Variants in G3BP2 observed in about 807,000 individuals in gnomAD.
G3BP2 encodes the protein ras GTPase-activating protein-binding protein 2.
In G3BP2, 11 loss-of-function variants were observed where a neutral mutation model predicts 56.7. The ratio of observed to expected loss-of-function variants is 0.19; its 90% CI spans 0.12 to 0.32. The LOEUF is 0.32. G3BP2 is among the 10% of genes least tolerant of loss of function. G3BP2 has a pLI of 1.00. For missense variants in G3BP2, 340 were observed against 610.9 expected (o/e 0.56, Z 4.67); for synonymous variants, 165 against 191.6 (o/e 0.86, Z 1.15).
intron 1 of G3BP2, among the ~76,000 whole-genome samples, chr4:75,722,565 G>C (rs1253452943): frequency 6.6e-6 from 1 of 152,138 alleles, no homozygotes; most frequent in Non-Finnish European, 1.5e-5. Flanking sequence ...GGAGGGGTGA[G>C]GCTTAGGGGC....
At chr4:75,699,450 G>C (rs771245041) in intron 3 of G3BP2, among the ~76,000 whole-genome samples, 2 of 152,064 alleles carry the variant, frequency 1.3e-5, no homozygotes, top group African/African-American at 2.4e-5. Flanking sequence ...AGAGAGTTTG[G>C]GCAACTTATT....
At chr4:75,693,572 C>T (rs1289042835) in intron 3 of G3BP2, among the ~76,000 whole-genome samples, 4 of 152,014 alleles carry the variant, frequency 2.6e-5, no homozygotes, top group South Asian at 4.2e-4. Context: ...GGGTGGATCA[C>T]GAGGTTAGGA....
chr4:75,676,627 C>A (rs1733888350), upstream of G3BP2, among the ~76,000 whole-genome samples: 1 of 152,202 alleles, frequency 6.6e-6, no homozygotes, highest in Non-Finnish European at 1.5e-5. Flanking sequence ...GTTCCCTCTA[C>A]CTTCAACATT....
chr4:75,682,126 T>C (rs1404233264), intron 3 of G3BP2, among the ~76,000 whole-genome samples: 4 of 151,916 alleles, frequency 2.6e-5, no homozygotes, highest in African/African-American at 4.8e-5. Context: ...TTCAAACTTA[T>C]AAACTGTTGG....
At position 75,702,442 on chromosome 4, in the gene G3BP2, C is replaced by G. The variant is rs190558278; in HGVS notation, c.-25+18435G>C. Among the ~76,000 whole-genome samples, 4 of 152,296 alleles carry G rather than the reference C, an allele frequency of 2.6e-5. No individual in the cohort carries two copies. In the East Asian group the frequency reaches 5.8e-4, roughly 22 times the overall value. ...ACAGGCGTGAGCCACCACGCCTGGA[C>G]CCCCGAATTCTAACCACCTCTTTGA... is the stretch of plus-strand genomic sequence containing the variant. On this transcript the variant is annotated intron_variant, in intron 3 of 3. Coordinates refer to the G3BP2 transcript ENST00000499709.
At chr4:75,645,802 A>G in intron 11 of G3BP2, 100 bp from the exon 12 acceptor site, 1 of 1,057,622 alleles carries the variant, frequency 9.5e-7, no homozygotes, top group African/African-American at 1.6e-5. Flanking sequence ...GGAATAAAAC[A>G]CTTTTATCAG....
Position 75,707,387 on chromosome 4 carries a change from C to T in G3BP2, c.-25+13490G>A, listed in dbSNP as rs547383275. Among the ~76,000 whole-genome samples the T allele has an allele frequency of 7.3e-5, 11 of 151,624 alleles. No homozygotes were observed. In the South Asian group the frequency reaches 2.1e-3, roughly 29 times the overall value. Reference sequence around the variant, plus strand: ...TTGTAATCCCAGCACTTTGGGAGGCCGAGGTGGGCGGATCACGAGGTCAGG... The same window carrying T: ...TTGTAATCCCAGCACTTTGGGAGGCTGAGGTGGGCGGATCACGAGGTCAGG... On this transcript the variant is annotated intron_variant, in intron 3 of 3. Coordinates refer to the G3BP2 transcript ENST00000499709.
intron 3 of G3BP2, among the ~76,000 whole-genome samples, chr4:75,683,135 G>A (rs1490130833): frequency 6.6e-6 from 1 of 152,176 alleles, no homozygotes; most frequent in East Asian, 1.9e-4. Flanking sequence ...ATTTCTAGGT[G>A]TAACCACTTC....
intron 3 of G3BP2, among the ~76,000 whole-genome samples, chr4:75,701,764 G>A (rs767281637): frequency 2.6e-5 from 4 of 152,104 alleles, no homozygotes; most frequent in Non-Finnish European, 4.4e-5. Flanking sequence ...AAGGCTTTTG[G>A]ACTCAAACAC....
rs746984905 is a variant in G3BP2 at position 75,659,447 on chromosome 4, T to C, written c.96-523A>G. Among the ~76,000 whole-genome samples the C allele has an allele frequency of 9.5e-4, 145 of 152,320 alleles. 2 individuals are homozygous for C. The highest frequency in any genetic ancestry group is 3.4e-3 in the Middle Eastern group (1 of 294). ...AGAGACCAAGTCTAAAATCCAAAATTACGCCAGCATCTAATTTCTTTTTAA... is the reference window on the plus strand; with the variant it reads ...AGAGACCAAGTCTAAAATCCAAAATCACGCCAGCATCTAATTTCTTTTTAA... On this transcript the variant is annotated intron_variant, in intron 2 of 11. Transcript: ENST00000359707.
intron 3 of G3BP2, among the ~76,000 whole-genome samples, chr4:75,678,852 C>A (rs566340349): frequency 5.3e-5 from 8 of 152,258 alleles, no homozygotes; most frequent in Admixed American, 2.6e-4. Flanking sequence ...ACATGTAAAA[C>A]ATTTTAACAG....
At chr4:75,645,794 A>T in intron 11 of G3BP2, 92 bp from the exon 12 acceptor site, 2 of 1,183,812 alleles carry the variant, frequency 1.7e-6, no homozygotes, top group Non-Finnish European at 2.4e-6. Flanking sequence ...AAGCATAAGG[A>T]ATAAAACACT....
chr4:75,696,488 A>T (rs1232547884), intron 3 of G3BP2, among the ~76,000 whole-genome samples: 2 of 152,116 alleles, frequency 1.3e-5, no homozygotes, highest in Non-Finnish European at 2.9e-5. Flanking sequence ...GTCCTTCACC[A>T]TGTGGAATGG....
intron 3 of G3BP2, among the ~76,000 whole-genome samples, chr4:75,700,270 T>A (rs1177598893): frequency 2.6e-5 from 4 of 151,644 alleles, no homozygotes; most frequent in Non-Finnish European, 5.9e-5. Context: ...GCTAGGATGG[T>A]CTTGATCTCC....
intron 3 of G3BP2, among the ~76,000 whole-genome samples, chr4:75,697,858 C>T (rs1400570589): frequency 2.0e-5 from 3 of 152,092 alleles, no homozygotes; most frequent in Admixed American, 6.6e-5. Context: ...CCCTTGAACC[C>T]GGGAGGCAGA....
intron 3 of G3BP2, among the ~76,000 whole-genome samples, chr4:75,720,221 A>G (rs1160232091): frequency 6.6e-6 from 1 of 151,894 alleles, no homozygotes; most frequent in Non-Finnish European, 1.5e-5. Context: ...GCTTTTAAAA[A>G]TATTTTGAGG....
chr4:75,664,180 C>G (rs1732805033), intron 1 of G3BP2, among the ~76,000 whole-genome samples: 1 of 151,902 alleles, frequency 6.6e-6, no homozygotes, highest in African/African-American at 2.4e-5. Context: ...CCGTGCCCAG[C>G]CACCTGTTTT....
chr4:75,710,592 T>C (rs1719717108), intron 3 of G3BP2, among the ~76,000 whole-genome samples: 1 of 152,226 alleles, frequency 6.6e-6, no homozygotes, highest in Non-Finnish European at 1.5e-5. Context: ...GCATAGTAGC[T>C]GCTCACTAGC....
At chr4:75,718,943 A>C (rs1235185282) in intron 3 of G3BP2, among the ~76,000 whole-genome samples, 2 of 152,216 alleles carry the variant, frequency 1.3e-5, no homozygotes, top group Non-Finnish European at 2.9e-5. Context: ...GATAACAGGG[A>C]AATTGGCTTG....
Sources: gnomAD v4.1 joint callset for allele counts (sites outside exome capture counted in the v4.1 genomes callset) on GRCh38, gnomAD v4.1.1 for gene constraint, MANE v1.5 for transcripts, NCBI Gene and HGNC (gene_info 2026-07-23, HGNC 2026-07-21) for gene names.